Variants in BORCS5 observed in about 807,000 individuals in gnomAD.
BORCS5 encodes the protein BLOC-1-related complex subunit 5.
BORCS5 carries 17 observed loss-of-function variants against 22.1 expected under a neutral mutation model. That is an observed-to-expected ratio of 0.77 (90% CI 0.53 to 1.15). BORCS5 has a LOEUF of 1.15. Ranked by LOEUF, BORCS5 falls within the 50% of genes most tolerant of loss-of-function variation. The pLI, the probability that BORCS5 is intolerant of heterozygous loss-of-function variation, is 0.00. For synonymous variants in BORCS5, 117 were observed against 99.8 expected (o/e 1.17, Z -1.03); for missense variants, 247 against 253.2 (o/e 0.98, Z 0.17).
chr12:12,443,605 G>C (rs1164190364), intron 3 of BORCS5, among the ~76,000 whole-genome samples: 1 of 152,204 alleles, frequency 6.6e-6, no homozygotes, highest in Non-Finnish European at 1.5e-5. Context: ...CAGAAATCCT[G>C]GAAGAGGGCC....
At chr12:12,464,898 C>T (rs923777037) in intron 3 of BORCS5, among the ~76,000 whole-genome samples, 4 of 152,044 alleles carry the variant, frequency 2.6e-5, no homozygotes, top group African/African-American at 4.8e-5. Flanking sequence ...CAGTGTTCCC[C>T]GAGTGTCCGC....
intron 2 of BORCS5, among the ~76,000 whole-genome samples, chr12:12,398,899 T>G (rs1220496164): frequency 6.6e-6 from 1 of 152,186 alleles, no homozygotes; most frequent in African/African-American, 2.4e-5. Flanking sequence ...TGTGGTCCAG[T>G]GTATCATAAT....
At chr12:12,447,302 C>T (rs1942808909) in intron 3 of BORCS5, among the ~76,000 whole-genome samples, 1 of 152,234 alleles carries the variant, frequency 6.6e-6, no homozygotes, top group Non-Finnish European at 1.5e-5. Flanking sequence ...GAATCCTGCT[C>T]TCCCATCAGC....
chr12:12,407,164 T>C (rs1941613035), intron 2 of BORCS5, among the ~76,000 whole-genome samples: 1 of 152,242 alleles, frequency 6.6e-6, no homozygotes, highest in Non-Finnish European at 1.5e-5. Flanking sequence ...AATATATTCC[T>C]TTTTGCAAAT....
intron 1 of BORCS5, 82 bp downstream of exon 1, chr12:12,357,591 A>G: frequency 6.9e-7 from 1 of 1,455,256 alleles, no homozygotes; most frequent in Non-Finnish European, 9.3e-7. Context: ...AGGGTCAGGG[A>G]CTGCGGACGG....
At chr12:12,391,319 A>G (rs769302546) in intron 2 of BORCS5, among the ~76,000 whole-genome samples, 5 of 152,094 alleles carry the variant, frequency 3.3e-5, no homozygotes, top group Admixed American at 1.3e-4. Flanking sequence ...AGGCATATCA[A>G]TCACATTGGT....
At chr12:12,400,779 T>C (rs200071222) in intron 2 of BORCS5, among the ~76,000 whole-genome samples, 1 of 152,232 alleles carries the variant, frequency 6.6e-6, no homozygotes, top group East Asian at 1.9e-4. Context: ...CAGGGAATTA[T>C]TGATCTGATT....
chr12:12,443,136 G>A (rs1295302041), intron 3 of BORCS5, among the ~76,000 whole-genome samples: 1 of 152,068 alleles, frequency 6.6e-6, no homozygotes, highest in Non-Finnish European at 1.5e-5. Flanking sequence ...ACTGTGAACC[G>A]AATCTCCTTT....
chr12:12,460,844 A>G (rs1015864193), intron 3 of BORCS5, among the ~76,000 whole-genome samples: 9 of 152,186 alleles, frequency 5.9e-5, no homozygotes, highest in Non-Finnish European at 1.2e-4. Context: ...GCTTGGTCAT[A>G]ATGTATTATC....
chr12:12,422,288 T>A (rs1473638659), intron 2 of BORCS5, among the ~76,000 whole-genome samples: 1 of 76,886 alleles, frequency 1.3e-5, no homozygotes, highest in Admixed American at 1.6e-4. Flanking sequence ...TTTTCTTTTA[T>A]TTTTTTTTTT....
intron 3 of BORCS5, among the ~76,000 whole-genome samples, chr12:12,455,604 C>T (rs965712181): frequency 5.3e-5 from 8 of 152,174 alleles, no homozygotes; most frequent in Non-Finnish European, 8.8e-5. Context: ...CATGGTGAAA[C>T]GCTGTCTCTA....
intron 2 of BORCS5, among the ~76,000 whole-genome samples, chr12:12,401,130 T>C (rs957480129): frequency 6.6e-6 from 1 of 152,232 alleles, no homozygotes; most frequent in African/African-American, 2.4e-5. Context: ...TGTACATGTC[T>C]CCTTTTGCAC....
chr12:12,364,046 A>G (rs942636088), intron 2 of BORCS5, among the ~76,000 whole-genome samples: 1 of 152,210 alleles, frequency 6.6e-6, no homozygotes, highest in African/African-American at 2.4e-5. Flanking sequence ...TATTATTACA[A>G]TAAAGTAAAC....
At chr12:12,431,400 A>ATT (rs371924998) in intron 2 of BORCS5, among the ~76,000 whole-genome samples, 27 of 109,786 alleles carry the variant, frequency 2.5e-4, no homozygotes, top group African/African-American at 8.7e-4. Context: ...TCTTTTGCTA[A>ATT]TTCTTTTTTT....
intron 2 of BORCS5, among the ~76,000 whole-genome samples, chr12:12,396,962 C>T (rs1348396658): frequency 6.6e-6 from 1 of 152,104 alleles, no homozygotes; most frequent in African/African-American, 2.4e-5. Flanking sequence ...ACTTTCAAGG[C>T]CTTTTCCTTT....
At chr12:12,450,867 C>T (rs966042635) in intron 3 of BORCS5, among the ~76,000 whole-genome samples, 1 of 152,034 alleles carries the variant, frequency 6.6e-6, no homozygotes, top group Non-Finnish European at 1.5e-5. Flanking sequence ...ATGTAAACTG[C>T]ACAGTACAGT....
intron 3 of BORCS5, among the ~76,000 whole-genome samples, chr12:12,459,467 C>T (rs1348796302): frequency 6.6e-6 from 1 of 152,004 alleles, no homozygotes; most frequent in East Asian, 1.9e-4. Context: ...TGCACCACCA[C>T]CTCCAGCTAA....
intron 2 of BORCS5, among the ~76,000 whole-genome samples, chr12:12,393,070 C>A (rs781619061): frequency 6.6e-6 from 1 of 151,880 alleles, no homozygotes; most frequent in Admixed American, 6.6e-5. Context: ...TCCGTCTCTA[C>A]AAAAAATACA....
chr12:12,367,745 C>T (rs1464745641), intron 2 of BORCS5, among the ~76,000 whole-genome samples: 1 of 152,164 alleles, frequency 6.6e-6, no homozygotes, highest in Admixed American at 6.5e-5. Context: ...TGCCTGCATC[C>T]ATTCTTGTTT....
Sources: gnomAD v4.1 joint callset for allele counts (sites outside exome capture counted in the v4.1 genomes callset) on GRCh38, gnomAD v4.1.1 for gene constraint, MANE v1.5 for transcripts, NCBI Gene and HGNC (gene_info 2026-07-23, HGNC 2026-07-21) for gene names.